RGS7: variants seen among roughly 807,000 people sequenced by gnomAD.
RGS7 encodes the protein regulator of G protein signaling 7.
In RGS7, 27 loss-of-function variants were observed where a neutral mutation model predicts 81.1. That is an observed-to-expected ratio of 0.33 (90% CI 0.25 to 0.46). The LOEUF (loss-of-function observed/expected upper bound fraction) is 0.46. Ranked by LOEUF, RGS7 falls within the 20% of genes least tolerant of loss-of-function variation. The probability of loss-of-function intolerance (pLI) is 1.00; values close to 1 mark genes in which losing one functional copy is unlikely to be tolerated. For missense variants in RGS7, 396 were observed against 607.4 expected, an observed-to-expected ratio of 0.65 and a Z score of 3.66; for synonymous variants, 208 against 207.7, an observed-to-expected ratio of 1.00 and a Z score of -0.01.
chr1:240,852,966 T>C (rs1660378418), intron 9 of RGS7, among the ~76,000 whole-genome samples: 1 of 152,216 alleles, frequency 6.6e-6, no homozygotes, highest in Non-Finnish European at 1.5e-5. Context: ...CCCTTGTCAG[T>C]GTGTGTTAAG....
At chr1:241,006,908 TTTCTTC>T (rs374255096) in intron 3 of RGS7, among the ~76,000 whole-genome samples, 2 of 152,054 alleles carry the variant, frequency 1.3e-5, no homozygotes, top group African/African-American at 4.8e-5. Flanking sequence ...GCACTTTCTC[TTTCTTC>T]TTCTTCTTCT....
At chr1:241,063,020 A>G (rs1450507410) in intron 3 of RGS7, among the ~76,000 whole-genome samples, 1 of 152,218 alleles carries the variant, frequency 6.6e-6, no homozygotes, top group East Asian at 1.9e-4. Flanking sequence ...ACACACGGAT[A>G]TAAGTCTTGT....
chr1:241,149,404 A>G (rs558825468), intron 2 of RGS7, among the ~76,000 whole-genome samples: 80 of 151,994 alleles, frequency 5.3e-4, no homozygotes, highest in Admixed American at 3.8e-3. Context: ...TGATCTACCC[A>G]CCTTGACCTC....
intron 2 of RGS7, among the ~76,000 whole-genome samples, chr1:241,344,396 C>G (rs565219053): frequency 6.6e-6 from 1 of 152,326 alleles, no homozygotes; most frequent in East Asian, 1.9e-4. Flanking sequence ...GTAGGAAAAT[C>G]CATGTCCCTT....
intron 2 of RGS7, chr1:241,132,179 A>G (rs2067144701): frequency 1.3e-5 from 2 of 154,368 alleles, no homozygotes; most frequent in Admixed American, 1.3e-4. Flanking sequence ...TTTAAGTGGC[A>G]TACACAGAGA....
At chr1:240,864,254 C>T (rs1249390032) in intron 9 of RGS7, among the ~76,000 whole-genome samples, 1 of 152,044 alleles carries the variant, frequency 6.6e-6, no homozygotes, top group East Asian at 1.9e-4. Flanking sequence ...TTACATGATA[C>T]CTTTCTATAT....
chr1:240,801,994 C>T (rs554554096), intron 16 of RGS7, among the ~76,000 whole-genome samples: 6 of 152,222 alleles, frequency 3.9e-5, no homozygotes, highest in African/African-American at 1.2e-4. Flanking sequence ...GGTTACTGAG[C>T]ACTTGAAATT....
chr1:240,987,969 C>T (rs896381900), intron 3 of RGS7, among the ~76,000 whole-genome samples: 1 of 152,068 alleles, frequency 6.6e-6, no homozygotes, highest in Non-Finnish European at 1.5e-5. Context: ...ACATCTATTG[C>T]GTTTCTGTAG....
chr1:241,041,881 G>C (rs1417799686), intron 3 of RGS7, among the ~76,000 whole-genome samples: 1 of 152,084 alleles, frequency 6.6e-6, no homozygotes, highest in African/African-American at 2.4e-5. Context: ...TGAATTTCTT[G>C]AGGATTGGGG....
chr1:240,815,898 G>A (rs1690723562), intron 11 of RGS7, among the ~76,000 whole-genome samples: 1 of 152,220 alleles, frequency 6.6e-6, no homozygotes, highest in Admixed American at 6.5e-5. Context: ...TGCAGAAAGC[G>A]AGAGTAAGCA....
At chr1:240,896,690 G>A (rs1477177201) in intron 6 of RGS7, among the ~76,000 whole-genome samples, 1 of 150,574 alleles carries the variant, frequency 6.6e-6, no homozygotes, top group Non-Finnish European at 1.5e-5. Flanking sequence ...CTGCAGCCTT[G>A]TAGTATAGTT....
chr1:241,021,823 A>T (rs189001305), intron 3 of RGS7, among the ~76,000 whole-genome samples: 45 of 152,248 alleles, frequency 3.0e-4, no homozygotes, highest in Non-Finnish European at 5.6e-4. Flanking sequence ...AGCACTAACC[A>T]CTCGGGGTCC....
intron 3 of RGS7, among the ~76,000 whole-genome samples, chr1:241,046,769 T>A (rs2060951464): frequency 6.6e-6 from 1 of 152,198 alleles, no homozygotes; most frequent in Non-Finnish European, 1.5e-5. Flanking sequence ...ATGCCATATA[T>A]ATCATCTGTA....
At chr1:240,876,558 A>G (rs1665449472) in intron 6 of RGS7, among the ~76,000 whole-genome samples, 1 of 152,186 alleles carries the variant, frequency 6.6e-6, no homozygotes, top group South Asian at 2.1e-4. Flanking sequence ...TTTAAAGGGG[A>G]ATAATCCATT....
intron 3 of RGS7, among the ~76,000 whole-genome samples, chr1:240,997,768 G>T (rs1687517673): frequency 6.6e-6 from 1 of 152,222 alleles, no homozygotes; most frequent in Non-Finnish European, 1.5e-5. Context: ...AGGTTGCAGT[G>T]AGCGGAGATC....
At chr1:241,029,391 A>G (rs1349363428) in intron 3 of RGS7, among the ~76,000 whole-genome samples, 1 of 152,150 alleles carries the variant, frequency 6.6e-6, no homozygotes, top group African/African-American at 2.4e-5. Flanking sequence ...TTTGTATTTA[A>G]AAAGAAAATC....
At chr1:241,055,378 C>T (rs570109494) in intron 3 of RGS7, among the ~76,000 whole-genome samples, 93 of 152,310 alleles carry the variant, frequency 6.1e-4, no homozygotes, top group African/African-American at 1.8e-3. Flanking sequence ...GATTAACTTG[C>T]TAGCACAGCT....
chr1:241,211,739 T>A (rs979243285), intron 2 of RGS7, among the ~76,000 whole-genome samples: 1 of 152,196 alleles, frequency 6.6e-6, no homozygotes, highest in Non-Finnish European at 1.5e-5. Context: ...AAGGCATTGA[T>A]GTAGCAAGGC....
chr1:240,976,647 G>T (rs1316758041), intron 4 of RGS7, among the ~76,000 whole-genome samples: 1 of 152,060 alleles, frequency 6.6e-6, no homozygotes, highest in African/African-American at 2.4e-5. Flanking sequence ...TTCATGCCTA[G>T]GTCTCCAGCC....
Sources: allele counts gnomAD v4.1 joint callset (sites outside exome capture counted in the v4.1 genomes callset), GRCh38; gene constraint gnomAD v4.1.1; transcripts MANE v1.5; gene names NCBI Gene and HGNC (gene_info 2026-07-23, HGNC 2026-07-21).